OSBP2: variants seen among roughly 807,000 people sequenced by gnomAD.
OSBP2 encodes oxysterol binding protein 2.
A neutral mutation model predicts 96.0 loss-of-function variants in OSBP2; 66 were observed. The ratio of observed to expected loss-of-function variants is 0.69; its 90% CI spans 0.56 to 0.84. The LOEUF (loss-of-function observed/expected upper bound fraction) is 0.84. Ranked by LOEUF, OSBP2 falls within the 40% of genes least tolerant of loss-of-function variation. The pLI is 0.00. For synonymous variants in OSBP2, 525 were observed against 520.9 expected (o/e 1.01, Z -0.11); for missense variants, 1,038 against 1,222.7 (o/e 0.85, Z 2.25).
At position 30,872,729 on chromosome 22, in the gene OSBP2, G is replaced by C. The variant is rs140460666; in HGVS notation, c.1107+2047G>C. Among the ~76,000 whole-genome samples the C allele has an allele frequency of 2.6e-4, 39 of 152,242 alleles. No homozygotes were observed. In the East Asian group the frequency reaches 7.5e-3, roughly 29 times the overall value. On this transcript the variant is annotated intron_variant, in intron 3 of 13. Transcript: ENST00000332585. ...GAGGGCAGGAGTGCAGTGCTGCCCC[G>C]ACAGACTGTGCTTGTAGCCCAGGCT...
intron 1 of OSBP2, among the ~76,000 whole-genome samples, chr22:30,699,669 A>G (rs1295914641): frequency 6.6e-6 from 1 of 152,194 alleles, no homozygotes; most frequent in African/African-American, 2.4e-5. Flanking sequence ...TAATAGCAGA[A>G]GAGTGGGGGT....
intron 2 of OSBP2, among the ~76,000 whole-genome samples, chr22:30,775,585 C>T (rs1035308386): frequency 2.3e-4 from 35 of 152,136 alleles, no homozygotes; most frequent in Admixed American, 9.2e-4. Context: ...CACCACTTCA[C>T]TCCAGCTTGG....
intron 1 of OSBP2, among the ~76,000 whole-genome samples, chr22:30,739,256 A>G (rs150318236): frequency 6.6e-6 from 1 of 152,294 alleles, no homozygotes; most frequent in East Asian, 1.9e-4. Context: ...AGATTGCACT[A>G]TGTTTGCCCA....
intron 2 of OSBP2, among the ~76,000 whole-genome samples, chr22:30,795,812 C>T (rs2090752418): frequency 6.6e-6 from 1 of 152,374 alleles, no homozygotes; most frequent in South Asian, 2.1e-4. Flanking sequence ...AGCCACCCTG[C>T]CCAGCCTCCA....
At chr22:30,760,772 C>G (rs1186037221) in intron 2 of OSBP2, among the ~76,000 whole-genome samples, 1 of 151,522 alleles carries the variant, frequency 6.6e-6, no homozygotes, top group Non-Finnish European at 1.5e-5. Flanking sequence ...GAGTGGAGAT[C>G]GCACCACTGC....
At chr22:30,793,948 A>T (rs1424053700) in intron 2 of OSBP2, among the ~76,000 whole-genome samples, 2 of 152,352 alleles carry the variant, frequency 1.3e-5, no homozygotes, top group East Asian at 3.9e-4. Context: ...TGGATAAACA[A>T]AATGTGGTAC....
At chr22:30,696,826 T>A (rs775403426) in intron 1 of OSBP2, among the ~76,000 whole-genome samples, 1 of 152,016 alleles carries the variant, frequency 6.6e-6, no homozygotes, top group Non-Finnish European at 1.5e-5. Context: ...GCTAATTTTT[T>A]TTTTGTATTT....
At chr22:30,872,917 G>GC (rs1210501977) in intron 3 of OSBP2, among the ~76,000 whole-genome samples, 1 of 152,212 alleles carries the variant, frequency 6.6e-6, no homozygotes, top group Non-Finnish European at 1.5e-5. Context: ...CCGGCCACTT[G>GC]CCTGAAGGTC....
intron 2 of OSBP2, among the ~76,000 whole-genome samples, chr22:30,837,530 A>G (rs537857926): frequency 1.2e-4 from 19 of 152,310 alleles, no homozygotes; most frequent in African/African-American, 4.3e-4. Context: ...ACTATTGCAG[A>G]AGAAAAATGC....
chr22:30,893,227 TC>T lies in OSBP2; in HGVS notation c.1977del (p.Ile660SerfsTer4). On this transcript the variant is annotated frameshift_variant, in exon 9 of 14. Coordinates refer to ENST00000332585, the MANE Select transcript of OSBP2 (RefSeq NM_030758.4). LOFTEE classifies it high-confidence loss of function. ...CAGCAAGTTCCGGGGAAAATACATC[TC>T]CATCATGCCGCTAGGTGAGCTGGGG... The part of the protein sequence containing the change: ...ISSKFRGKYI[S>X]IMPLGAIHLE... 6.2e-7 allele frequency: 1 copy of T among 1,613,934 alleles called. No individual in the cohort carries two copies. The highest frequency in any genetic ancestry group is 8.5e-7 in the Non-Finnish European group (1 of 1,179,962).
rs951570794 is a variant in OSBP2 at position 30,881,142 on chromosome 22, G to A, written c.1108-6284G>A. 3.3e-5 allele frequency among the ~76,000 whole-genome samples: 5 copies of A among 152,244 alleles called. No homozygotes were observed. The highest frequency in any genetic ancestry group is 6.5e-5 in the Admixed American group (1 of 15,302). On this transcript the variant is annotated intron_variant, in intron 3 of 13. Coordinates refer to ENST00000332585, the MANE Select transcript of OSBP2 (RefSeq NM_030758.4). This position sits in a 1 kb window ranked among gnomAD's most constrained non-coding sequence, Gnocchi z 4.5. ...GCCCAGGGGCTCTGCACCCCAGGCC[G>A]GCCCCTCTGCATCTCAGAGCACCCA... is the stretch of plus-strand genomic sequence containing the variant.
intron 2 of OSBP2, among the ~76,000 whole-genome samples, chr22:30,768,933 T>C (rs1197001069): frequency 6.6e-6 from 1 of 152,234 alleles, no homozygotes; most frequent in African/African-American, 2.4e-5. Flanking sequence ...AGGATGTCAC[T>C]AATCCAGAGG....
chr22:30,858,879 C>CAATAATAATAATAATAATAATAAT lies in OSBP2; in HGVS notation c.854-11538_854-11515dup, dbSNP rs137975802. On this transcript the variant is annotated intron_variant, in intron 2 of 13. Transcript: ENST00000332585. ...GGGTGACAAGAGCGAGACTCTGTCT[C>CAATAATAATAATAATAATAATAAT]AATAATAATAATAATAATAATAATA... is the stretch of plus-strand genomic sequence containing the variant. 4.0e-3 allele frequency among the ~76,000 whole-genome samples: 563 copies of CAATAATAATAATAATAATAATAAT among 141,410 alleles called. 1 individual carries two copies. Among genetic ancestry groups the CAATAATAATAATAATAATAATAAT allele is most frequent in the Middle Eastern group, 7.1e-3 (2 of 280 alleles). The allele number at this position is 141,410 out of a possible 152,430, so 92.8% of individuals were successfully genotyped here. A position where few individuals can be genotyped will look rare whatever the true frequency, so the allele number is the denominator to read the frequency against.
At chr22:30,860,248 T>G (rs2039182656) in intron 2 of OSBP2, among the ~76,000 whole-genome samples, 1 of 152,186 alleles carries the variant, frequency 6.6e-6, no homozygotes, top group Non-Finnish European at 1.5e-5. Context: ...CAGGAGTTTC[T>G]GATTGTATCT....
chr22:30,902,847 G>C (rs1341198720), intron 12 of OSBP2: 1 of 322,568 alleles, frequency 3.1e-6, no homozygotes, highest in South Asian at 3.0e-5. Context: ...TGAACCCCTG[G>C]GCCATGTTCC....
chr22:30,748,096 C>T (rs528362466), intron 2 of OSBP2, among the ~76,000 whole-genome samples: 14 of 151,988 alleles, frequency 9.2e-5, no homozygotes, highest in South Asian at 4.2e-4. Flanking sequence ...AGGCTGGTCT[C>T]GAACTCCTGA....
intron 2 of OSBP2, among the ~76,000 whole-genome samples, chr22:30,858,966 C>T (rs2039149211): frequency 6.6e-6 from 1 of 151,666 alleles, no homozygotes; most frequent in African/African-American, 2.4e-5. Flanking sequence ...CAATAGGTTC[C>T]TATTTAGTAC....
intron 2 of OSBP2, among the ~76,000 whole-genome samples, chr22:30,742,217 G>A (rs1052426149): frequency 1.3e-5 from 2 of 151,868 alleles, no homozygotes; most frequent in Non-Finnish European, 1.5e-5. Context: ...TGGATCACGA[G>A]GTCAGGAGTT....
At chr22:30,877,937 G>T (rs1164851929) in intron 3 of OSBP2, among the ~76,000 whole-genome samples, 1 of 152,256 alleles carries the variant, frequency 6.6e-6, no homozygotes, top group Non-Finnish European at 1.5e-5. Context: ...GCACCCTCCT[G>T]TGGGAGCTGT....
Sources: gnomAD v4.1 joint callset for allele counts (sites outside exome capture counted in the v4.1 genomes callset) on GRCh38, gnomAD v4.1.1 for gene constraint, Gnocchi (gnomAD v3.1) non-coding constraint, MANE v1.5 for transcripts, NCBI Gene and HGNC (gene_info 2026-07-23, HGNC 2026-07-21) for gene names.